EDIL3: variants seen among roughly 807,000 people sequenced by gnomAD.
The protein encoded by EDIL3 is EGF like and discoidin domains 3.
Under a neutral mutation model 67.4 loss-of-function variants are expected in EDIL3, and 37 were observed. The observed-to-expected ratio is 0.55, with a 90% CI of 0.42 to 0.72. The LOEUF (loss-of-function observed/expected upper bound fraction) is 0.72, where lower values mean the gene tolerates loss of function less well. EDIL3 is among the 30% of genes least tolerant of loss of function. The probability of loss-of-function intolerance (pLI) is 0.00; values close to 1 mark genes in which losing one functional copy is unlikely to be tolerated. For missense variants in EDIL3, 527 were observed against 586.3 expected, an observed-to-expected ratio of 0.90 and a Z score of 1.04; for synonymous variants, 195 against 196.3, an observed-to-expected ratio of 0.99 and a Z score of 0.05.
At chr5:84,344,966 C>T (rs1422890238) in intron 1 of EDIL3, among the ~76,000 whole-genome samples, 1 of 152,084 alleles carries the variant, frequency 6.6e-6, no homozygotes, top group Non-Finnish European at 1.5e-5. Flanking sequence ...ATTGGTGGTT[C>T]AATTTCTAAA....
intron 6 of EDIL3, among the ~76,000 whole-genome samples, chr5:84,102,265 G>C (rs1747380850): frequency 6.6e-6 from 1 of 151,994 alleles, no homozygotes; most frequent in Non-Finnish European, 1.5e-5. Context: ...ATGAGACAAG[G>C]ATGCCCTTTC....
At chr5:84,184,853 C>A (rs1238518975) in intron 3 of EDIL3, among the ~76,000 whole-genome samples, 1 of 152,168 alleles carries the variant, frequency 6.6e-6, no homozygotes, top group Non-Finnish European at 1.5e-5. Flanking sequence ...CAAAAGACAT[C>A]ATGACCTTGG....
intron 4 of EDIL3, among the ~76,000 whole-genome samples, chr5:84,160,493 C>T (rs1225091890): frequency 6.6e-6 from 1 of 152,040 alleles, no homozygotes; most frequent in Non-Finnish European, 1.5e-5. Context: ...TATTTTATTG[C>T]TGGAATATTA....
chr5:84,070,817 C>T (rs936990542), intron 6 of EDIL3, among the ~76,000 whole-genome samples: 1 of 152,090 alleles, frequency 6.6e-6, no homozygotes, highest in African/African-American at 2.4e-5. Context: ...AACACAAAAA[C>T]TATGGTAAAG....
At chr5:84,313,410 G>C (rs908918461) in intron 1 of EDIL3, among the ~76,000 whole-genome samples, 4 of 152,128 alleles carry the variant, frequency 2.6e-5, no homozygotes, top group African/African-American at 9.7e-5. Context: ...CTGAGAATCT[G>C]GGTCACAGAA....
chr5:84,075,349 TA>T (rs1746831131), intron 6 of EDIL3, among the ~76,000 whole-genome samples: 2 of 151,938 alleles, frequency 1.3e-5, no homozygotes, highest in African/African-American at 4.8e-5. Context: ...TAAAGTATAA[TA>T]AAAATAAAAA....
intron 1 of EDIL3, among the ~76,000 whole-genome samples, chr5:84,298,735 T>A (rs139389336): frequency 1.3e-5 from 2 of 152,312 alleles, no homozygotes; most frequent in East Asian, 3.9e-4. Flanking sequence ...TATAATCTCC[T>A]TATTGTGAAA....
intron 1 of EDIL3, among the ~76,000 whole-genome samples, chr5:84,365,893 A>C (rs1472099342): frequency 6.6e-6 from 1 of 152,146 alleles, no homozygotes; most frequent in Non-Finnish European, 1.5e-5. Context: ...TAATCTCTAC[A>C]ACAGCTCTAT....
intron 3 of EDIL3, among the ~76,000 whole-genome samples, chr5:84,222,024 A>G (rs1359411752): frequency 6.6e-6 from 1 of 151,998 alleles, no homozygotes; most frequent in East Asian, 1.9e-4. Context: ...TTATAGAATA[A>G]ATTGAGCATA....
At chr5:84,019,677 T>C (rs1745675961) in intron 9 of EDIL3, among the ~76,000 whole-genome samples, 1 of 152,154 alleles carries the variant, frequency 6.6e-6, no homozygotes, top group African/African-American at 2.4e-5. Flanking sequence ...CATTCCTCTC[T>C]TAAAAATGTA....
chr5:84,371,425 A>T (rs965180962), intron 1 of EDIL3, among the ~76,000 whole-genome samples: 1 of 116,416 alleles, frequency 8.6e-6, no homozygotes, highest in Non-Finnish European at 1.8e-5. Context: ...GTGTATATAT[A>T]TGTGTGTGTA....
chr5:84,135,716 A>G (rs933987903), intron 5 of EDIL3, among the ~76,000 whole-genome samples: 4 of 152,122 alleles, frequency 2.6e-5, no homozygotes, highest in African/African-American at 9.7e-5. Context: ...AGTTGGCTGT[A>G]TGGTCAACCT....
At chr5:84,172,494 C>T (rs1419254715) in intron 4 of EDIL3, among the ~76,000 whole-genome samples, 2 of 151,912 alleles carry the variant, frequency 1.3e-5, no homozygotes, top group African/African-American at 4.8e-5. Context: ...GTGGGAAGAT[C>T]ATTTGAGCCC....
At chr5:84,049,525 G>A (rs928254760) in intron 9 of EDIL3, among the ~76,000 whole-genome samples, 8 of 152,114 alleles carry the variant, frequency 5.3e-5, no homozygotes, top group Non-Finnish European at 8.8e-5. Flanking sequence ...AAACATCTCT[G>A]TGAGTTAAAT....
intron 9 of EDIL3, among the ~76,000 whole-genome samples, chr5:84,002,683 G>A (rs986950430): frequency 6.6e-6 from 1 of 152,192 alleles, no homozygotes; most frequent in Admixed American, 6.5e-5. Flanking sequence ...TCACATTTAT[G>A]ATAGCTACAA....
chr5:84,192,981 GAGA>G (rs1743623596), intron 3 of EDIL3, among the ~76,000 whole-genome samples: 1 of 152,008 alleles, frequency 6.6e-6, no homozygotes, highest in Admixed American at 6.6e-5. Context: ...GATGTAGAAG[GAGA>G]AGGAGGGCAA....
intron 9 of EDIL3, among the ~76,000 whole-genome samples, chr5:84,040,570 A>G (rs1746102701): frequency 6.6e-6 from 1 of 150,718 alleles, no homozygotes; most frequent in South Asian, 2.1e-4. Context: ...ACGAAAACAG[A>G]TCTTCTTTCT....
intron 9 of EDIL3, among the ~76,000 whole-genome samples, chr5:84,056,081 C>G (rs940627479): frequency 3.9e-5 from 6 of 152,114 alleles, no homozygotes; most frequent in African/African-American, 1.4e-4. Context: ...CAATGGTAGA[C>G]TGGATTAGGA....
intron 1 of EDIL3, among the ~76,000 whole-genome samples, chr5:84,332,994 T>C (rs757054942): frequency 9.2e-5 from 14 of 152,274 alleles, no homozygotes; most frequent in Admixed American, 2.6e-4. Context: ...AACAAAAATG[T>C]GCACTAACAC....
Sources: gnomAD v4.1 joint callset for allele counts (sites outside exome capture counted in the v4.1 genomes callset) on GRCh38, gnomAD v4.1.1 for gene constraint, MANE v1.5 for transcripts, NCBI Gene and HGNC (gene_info 2026-07-23, HGNC 2026-07-21) for gene names.